Variants in GRIK4 observed in about 807,000 individuals in gnomAD.
GRIK4 encodes glutamate ionotropic receptor kainate type subunit 4.
In GRIK4, 40 loss-of-function variants were observed where a neutral mutation model predicts 104.9. The ratio of observed to expected loss-of-function variants is 0.38; its 90% CI spans 0.30 to 0.50. The LOEUF is 0.50. GRIK4 is among the 20% of genes least tolerant of loss of function. GRIK4 has a pLI of 0.93. For missense variants in GRIK4, 1,047 were observed against 1,308.1 expected, an observed-to-expected ratio of 0.80 and a Z score of 3.08; for synonymous variants, 485 against 524.9, an observed-to-expected ratio of 0.92 and a Z score of 1.04.
Position 120,864,015 on chromosome 11 carries a change from A to C in GRIK4, c.906+1895A>C, listed in dbSNP as rs145332630. Among the ~76,000 whole-genome samples the C allele has an allele frequency of 4.9e-3, 741 of 152,188 alleles. 2 individuals are homozygous for C. The highest frequency in any genetic ancestry group is 0.016 in the African/African-American group (658 of 41,526). On this transcript the variant is annotated intron_variant, in intron 9 of 20. Transcript: ENST00000527524. ...TATTTTAGACCTAAAAGAGGCAAAAATCCATGGGAAGGACTGGGAAGGGCA... is the reference window on the plus strand; with the variant it reads ...TATTTTAGACCTAAAAGAGGCAAAACTCCATGGGAAGGACTGGGAAGGGCA...
intron 3 of GRIK4, among the ~76,000 whole-genome samples, chr11:120,737,447 A>G (rs1193910419): frequency 6.6e-6 from 1 of 152,220 alleles, no homozygotes; most frequent in East Asian, 1.9e-4. Flanking sequence ...CTTGAGCCTG[A>G]TCAAGCCTCA....
intron 11 of GRIK4, among the ~76,000 whole-genome samples, chr11:120,892,526 G>A (rs576310974): frequency 2.0e-5 from 3 of 152,148 alleles, no homozygotes; most frequent in Admixed American, 2.0e-4. Context: ...ACTTGCTCAG[G>A]GTCACCCACC....
At chr11:120,800,634 C>T (rs922092802) in intron 3 of GRIK4, among the ~76,000 whole-genome samples, 1 of 152,222 alleles carries the variant, frequency 6.6e-6, no homozygotes, top group African/African-American at 2.4e-5. Flanking sequence ...TCGCCCCATG[C>T]ATGGCCAACC....
At chr11:120,786,061 G>C (rs1003867837) in intron 3 of GRIK4, among the ~76,000 whole-genome samples, 39 of 152,134 alleles carry the variant, frequency 2.6e-4, no homozygotes, top group African/African-American at 8.0e-4. Context: ...GTCCTCCCCT[G>C]CCTTGTGCCT....
intron 13 of GRIK4, among the ~76,000 whole-genome samples, chr11:120,935,808 C>A (rs1486810220): frequency 3.3e-5 from 5 of 152,176 alleles, no homozygotes; most frequent in Non-Finnish European, 5.9e-5. Flanking sequence ...CATACTGTGC[C>A]AGGCAAGGTT....
At chr11:120,657,164 C>T (rs564457251) in intron 2 of GRIK4, among the ~76,000 whole-genome samples, 33 of 152,194 alleles carry the variant, frequency 2.2e-4, no homozygotes, top group African/African-American at 5.5e-4. Context: ...TTATTAAGGC[C>T]GTATAATATA....
chr11:120,911,620 T>C (rs1218546934), intron 13 of GRIK4, among the ~76,000 whole-genome samples: 1 of 147,222 alleles, frequency 6.8e-6, no homozygotes, highest in Non-Finnish European at 1.5e-5. Flanking sequence ...GGCGGGTGGA[T>C]CACCTGAGGT....
At chr11:120,643,857 G>T (rs1307117999) in intron 1 of GRIK4, among the ~76,000 whole-genome samples, 1 of 152,116 alleles carries the variant, frequency 6.6e-6, no homozygotes, top group Non-Finnish European at 1.5e-5. Context: ...TTTGGGCAAG[G>T]TATTTATTTT....
intron 1 of GRIK4, among the ~76,000 whole-genome samples, chr11:120,653,437 T>A (rs1033528931): frequency 2.0e-5 from 3 of 152,184 alleles, no homozygotes; most frequent in Non-Finnish European, 4.4e-5. Context: ...GCCTCAGCTC[T>A]GAGTGCGGTG....
chr11:120,933,723 G>T (rs1274255772), intron 13 of GRIK4, among the ~76,000 whole-genome samples: 3 of 152,194 alleles, frequency 2.0e-5, no homozygotes, highest in Non-Finnish European at 4.4e-5. Flanking sequence ...ATATTGATAG[G>T]CTGGTATTGC....
chr11:120,550,696 C>A (rs914825017), intron 1 of GRIK4, among the ~76,000 whole-genome samples: 9 of 151,892 alleles, frequency 5.9e-5, no homozygotes, highest in African/African-American at 2.2e-4. Flanking sequence ...CCAGGTGAGT[C>A]CTGAGGCCCC....
chr11:120,678,102 C>A (rs548550485), intron 3 of GRIK4, among the ~76,000 whole-genome samples: 1 of 151,646 alleles, frequency 6.6e-6, no homozygotes, highest in African/African-American at 2.4e-5. Context: ...TCTGCAGAGA[C>A]CCCGAGGCCT....
At chr11:120,604,151 G>C (rs1382151135) in intron 1 of GRIK4, among the ~76,000 whole-genome samples, 2 of 128,838 alleles carry the variant, frequency 1.6e-5, no homozygotes, top group Non-Finnish European at 3.1e-5. Flanking sequence ...CAGCCTGGGC[G>C]ACAGAGCGAG....
chr11:120,681,322 G>C lies in GRIK4; in HGVS notation c.82+20922G>C, dbSNP rs921888809. Among the ~76,000 whole-genome samples, 20 of 152,266 alleles carry C rather than the reference G, an allele frequency of 1.3e-4. No homozygotes were observed. The East Asian group carries it at 3.7e-3, about 28-fold the overall frequency. On this transcript the variant is annotated intron_variant, in intron 3 of 20. Transcript: ENST00000527524. Reference sequence around the variant, plus strand: ...GGCTCTGAGACTGTGGAATTTGCAAGGCTCACATCAGCTCTCCAAGCCTCA... The same window carrying C: ...GGCTCTGAGACTGTGGAATTTGCAACGCTCACATCAGCTCTCCAAGCCTCA...
chr11:120,709,545 A>G (rs1262841329), intron 3 of GRIK4, among the ~76,000 whole-genome samples: 5 of 152,196 alleles, frequency 3.3e-5, no homozygotes, highest in African/African-American at 1.2e-4. Flanking sequence ...TATAGAAAAT[A>G]AAAGGTCAGT....
In GRIK4 at chr11:120,830,434, G is replaced by A. The variant is rs556993047; in HGVS notation, c.512-1418G>A. Among the ~76,000 whole-genome samples, 6 of 152,314 alleles carry A rather than the reference G, an allele frequency of 3.9e-5. 1 individual carries two copies. In the South Asian group the frequency reaches 1.2e-3, roughly 32 times the overall value. On this transcript the variant is annotated intron_variant, in intron 6 of 20. Coordinates refer to ENST00000527524, the MANE Select transcript of GRIK4 (RefSeq NM_014619.5). ...GTAAGTCATGTCACCAATCTGCAAT[G>A]CGAGGAGGTGGATGGGAGGCTCTCC...
chr11:120,685,370 T>C (rs1396752359), intron 3 of GRIK4, among the ~76,000 whole-genome samples: 1 of 152,210 alleles, frequency 6.6e-6, no homozygotes, highest in Non-Finnish European at 1.5e-5. Flanking sequence ...TCATTAAAGT[T>C]TGAGAAACAT....
chr11:120,860,172 C>T (rs893681423), intron 8 of GRIK4, among the ~76,000 whole-genome samples: 2 of 152,192 alleles, frequency 1.3e-5, no homozygotes, highest in Non-Finnish European at 2.9e-5. Context: ...CTGTGTACCC[C>T]CAGGGTGTGG....
chr11:120,716,228 T>G, intron 3 of GRIK4, among the ~76,000 whole-genome samples: 1 of 134,984 alleles, frequency 7.4e-6, no homozygotes, highest in Non-Finnish European at 1.5e-5. Context: ...GCTCATTCAC[T>G]ACCTGACATG....
Sources: allele counts gnomAD v4.1 joint callset (sites outside exome capture counted in the v4.1 genomes callset), GRCh38; gene constraint gnomAD v4.1.1; transcripts MANE v1.5; gene names NCBI Gene and HGNC (gene_info 2026-07-23, HGNC 2026-07-21).